KCNH5: variants seen among roughly 807,000 people sequenced by gnomAD.
KCNH5 encodes potassium voltage-gated channel subfamily H member 5.
A neutral mutation model predicts 96.1 loss-of-function variants in KCNH5; 46 were observed. That is an observed-to-expected ratio of 0.48 (90% CI 0.38 to 0.61). The LOEUF (loss-of-function observed/expected upper bound fraction) is 0.61, where lower values mean the gene tolerates loss of function less well. Among genes scored for constraint, KCNH5 ranks in the 20% least tolerant of loss-of-function variants. The pLI is 0.00. For missense variants in KCNH5, 907 were observed against 1,225.8 expected (o/e 0.74, Z 3.88); for synonymous variants, 439 against 449.8 (o/e 0.98, Z 0.30).
intron 6 of KCNH5, among the ~76,000 whole-genome samples, chr14:62,964,803 C>T (rs946988315): frequency 6.6e-6 from 1 of 152,018 alleles, no homozygotes; most frequent in African/African-American, 2.4e-5. Context: ...GGGTAGATGT[C>T]AAACTTTGAT....
chr14:63,010,349 A>G (rs1891201822), intron 2 of KCNH5, among the ~76,000 whole-genome samples: 2 of 152,138 alleles, frequency 1.3e-5, no homozygotes, highest in South Asian at 2.1e-4. Context: ...ATATGACTGG[A>G]ATGTACGGAT....
intron 6 of KCNH5, among the ~76,000 whole-genome samples, chr14:62,962,498 A>G (rs1423685392): frequency 6.6e-6 from 1 of 152,170 alleles, no homozygotes; most frequent in Non-Finnish European, 1.5e-5. Context: ...TGGAGAAGCT[A>G]AGAAAATAAT....
intron 7 of KCNH5, among the ~76,000 whole-genome samples, chr14:62,871,780 G>A (rs1277320322): frequency 2.0e-5 from 3 of 152,126 alleles, no homozygotes; most frequent in Admixed American, 2.0e-4. Flanking sequence ...GTAAGAGATG[G>A]GCTGTACAAG....
intron 3 of KCNH5, 44 bp from the exon 4 acceptor site, chr14:63,001,503 C>A (rs762590850): frequency 1.9e-6 from 3 of 1,560,804 alleles, no homozygotes; most frequent in Non-Finnish European, 2.6e-6. Flanking sequence ...GAGTGTGGCA[C>A]GGCCACAGCA....
At chr14:62,831,043 T>G (rs926119073) in intron 8 of KCNH5, among the ~76,000 whole-genome samples, 1 of 152,164 alleles carries the variant, frequency 6.6e-6, no homozygotes, top group African/African-American at 2.4e-5. Context: ...TTCTAAGCCA[T>G]CTGACTGCAC....
chr14:62,774,650 T>C (rs1437147184), intron 10 of KCNH5, among the ~76,000 whole-genome samples: 1 of 152,252 alleles, frequency 6.6e-6, no homozygotes, highest in Non-Finnish European at 1.5e-5. Flanking sequence ...ATCAATTTAA[T>C]GAATACCATT....
chr14:62,927,315 G>A (rs1461328753), intron 7 of KCNH5, among the ~76,000 whole-genome samples: 1 of 152,118 alleles, frequency 6.6e-6, no homozygotes, highest in Admixed American at 6.6e-5. Flanking sequence ...AAGCACTGTG[G>A]AACACACTGT....
At chr14:62,730,792 A>G (rs150196161) in intron 10 of KCNH5, among the ~76,000 whole-genome samples, 6 of 152,318 alleles carry the variant, frequency 3.9e-5, no homozygotes, top group Non-Finnish European at 8.8e-5. Flanking sequence ...CCATGCAAAG[A>G]CACATATATC....
At chr14:62,753,715 C>T (rs1271619591) in intron 10 of KCNH5, among the ~76,000 whole-genome samples, 1 of 152,044 alleles carries the variant, frequency 6.6e-6, no homozygotes, top group Non-Finnish European at 1.5e-5. Flanking sequence ...AAGAAAAAAA[C>T]CCTTTTACCC....
intron 7 of KCNH5, among the ~76,000 whole-genome samples, chr14:62,874,178 A>G (rs1888321051): frequency 6.6e-6 from 1 of 152,204 alleles, no homozygotes; most frequent in Admixed American, 6.5e-5. Context: ...TTTTAACTTC[A>G]CAAGGAAACT....
At chr14:63,014,922 T>C (rs1437121285) in intron 2 of KCNH5, among the ~76,000 whole-genome samples, 1 of 152,048 alleles carries the variant, frequency 6.6e-6, no homozygotes, top group Non-Finnish European at 1.5e-5. Context: ...CAGGATAACG[T>C]CTACCATGAA....
chr14:62,928,587 G>C (rs1277198335), intron 7 of KCNH5, among the ~76,000 whole-genome samples: 2 of 152,176 alleles, frequency 1.3e-5, no homozygotes, highest in East Asian at 3.9e-4. Context: ...TTAGGGGTTT[G>C]TAAGAGCGTT....
chr14:62,725,851 C>A (rs1884914160), intron 10 of KCNH5, among the ~76,000 whole-genome samples: 1 of 152,040 alleles, frequency 6.6e-6, no homozygotes, highest in Non-Finnish European at 1.5e-5. Flanking sequence ...ATAGCCAAAG[C>A]AATATTCATT....
intron 3 of KCNH5, among the ~76,000 whole-genome samples, chr14:63,003,622 A>ATTTTT (rs1378476183): frequency 9.0e-6 from 1 of 111,378 alleles, no homozygotes; most frequent in African/African-American, 3.9e-5. Context: ...ATATATATAT[A>ATTTTT]TATTTTTTTT....
chr14:62,948,476 G>T (rs1359403537), intron 7 of KCNH5, among the ~76,000 whole-genome samples: 1 of 152,018 alleles, frequency 6.6e-6, no homozygotes, highest in African/African-American at 2.4e-5. Flanking sequence ...TTGAATCTCT[G>T]AATAGACCAA....
intron 7 of KCNH5, among the ~76,000 whole-genome samples, chr14:62,948,932 A>C (rs1889947333): frequency 6.6e-6 from 1 of 150,864 alleles, no homozygotes. Flanking sequence ...CAATAGATGC[A>C]GAAAAGGCCT....
chr14:62,916,756 T>G (rs540238575), intron 7 of KCNH5, among the ~76,000 whole-genome samples: 5 of 152,282 alleles, frequency 3.3e-5, no homozygotes, highest in Admixed American at 6.5e-5. Flanking sequence ...ATGCCAATAT[T>G]CCTGCAGTGT....
intron 7 of KCNH5, among the ~76,000 whole-genome samples, chr14:62,925,696 A>C (rs1408064064): frequency 6.6e-6 from 1 of 152,108 alleles, no homozygotes; most frequent in East Asian, 1.9e-4. Flanking sequence ...TTGTGCCCAC[A>C]TGTGTATGAT....
chr14:62,887,155 G>T (rs529399064), intron 7 of KCNH5, among the ~76,000 whole-genome samples: 231 of 152,178 alleles, frequency 1.5e-3, no homozygotes, highest in African/African-American at 5.2e-3. Flanking sequence ...GCAGAAATCC[G>T]AGAAAATACA....
Sources: gnomAD v4.1 joint callset for allele counts (sites outside exome capture counted in the v4.1 genomes callset) on GRCh38, gnomAD v4.1.1 for gene constraint, MANE v1.5 for transcripts, NCBI Gene and HGNC (gene_info 2026-07-23, HGNC 2026-07-21) for gene names.